POU3F3: variants seen among roughly 807,000 people sequenced by gnomAD.
POU3F3 encodes POU class 3 homeobox 3.
POU3F3 carries 1 observed loss-of-function variant against 8.6 expected under a neutral mutation model. The ratio of observed to expected loss-of-function variants is 0.12; its 90% CI spans 0.04 to 0.55. The LOEUF (loss-of-function observed/expected upper bound fraction) is 0.55. Ranked by LOEUF, POU3F3 falls within the 20% of genes least tolerant of loss-of-function variation. POU3F3 has a pLI of 0.91. For synonymous variants in POU3F3, 418 were observed against 327.4 expected, an observed-to-expected ratio of 1.28 and a Z score of -2.99; for missense variants, 577 against 690.7, an observed-to-expected ratio of 0.84 and a Z score of 1.84.
Position 104,855,378 on chromosome 2 carries a change from G to A in POU3F3, c.-133G>A. 1 of 324,106 alleles carries A rather than the reference G, an allele frequency of 3.1e-6. No homozygotes were observed. Among genetic ancestry groups the A allele is most frequent in the Non-Finnish European group, 4.3e-6 (1 of 233,492 alleles). 20.1% of individuals were successfully genotyped at this position (324,106 alleles called of 1,614,324 possible). A position where few individuals can be genotyped will look rare whatever the true frequency, so the allele number is the denominator to read the frequency against. On this transcript the variant is annotated 5_prime_UTR_variant, in exon 1 of 1. Transcript: ENST00000361360. ...GGCGGGGCCGGCGGGGGCCCGGGGC[G>A]GGGGCGGGGAAGGAGGGGGGGAGGA...
chr2:104,910,366 T>C, the POU3F3 span, among the ~76,000 whole-genome samples: 1 of 152,178 alleles, frequency 6.6e-6, no homozygotes, highest in Non-Finnish European at 1.5e-5. Context: ...GCTTCTTCTC[T>C]ACTCTACAAA....
chr2:104,873,600 G>C, the POU3F3 span, among the ~76,000 whole-genome samples: 1 of 152,286 alleles, frequency 6.6e-6, no homozygotes, highest in East Asian at 1.9e-4. Flanking sequence ...ACTTTCACAA[G>C]TGGTTAGAAA....
At position 104,858,536 on chromosome 2, in the gene POU3F3, G is replaced by T. The variant is rs1043826395; in HGVS notation, c.*1523G>T. The T allele has an allele frequency of 6.6e-6, 1 of 152,106 alleles. No homozygotes were observed. The highest frequency in any genetic ancestry group is 2.4e-5 in the African/African-American group (1 of 41,396). The allele number at this position is 152,106 out of a possible 1,614,324, so 9.4% of individuals were successfully genotyped here. A position where few individuals can be genotyped will look rare whatever the true frequency, so the allele number is the denominator to read the frequency against. On this transcript the variant is annotated 3_prime_UTR_variant, in exon 1 of 1. Coordinates refer to ENST00000361360, the MANE Select transcript of POU3F3 (RefSeq NM_006236.3). ...GTAATTTAATTTGAGTAGTGATTCC[G>T]TAAGAGCTGATCGAGAAAATAAATT... is the stretch of plus-strand genomic sequence containing the variant.
At chr2:104,909,313 C>A in the POU3F3 span, among the ~76,000 whole-genome samples, 4 of 152,190 alleles carry the variant, frequency 2.6e-5, no homozygotes. Flanking sequence ...ATGGTCCCAG[C>A]GGTCTGGAGG....
chr2:104,857,971 G>T lies in POU3F3; in HGVS notation c.*958G>T, dbSNP rs1372097780. ...TGGGAGCAGAGCGGGGGCCCAGCCA[G>T]CGAGGCCGCCGAGCCAGGCCCGGCC... is the stretch of plus-strand genomic sequence containing the variant. On this transcript the variant is annotated 3_prime_UTR_variant, in exon 1 of 1. Transcript: ENST00000361360. 6.6e-6 allele frequency: 1 copy of T among 152,198 alleles called. No individual in the cohort carries two copies. The highest frequency in any genetic ancestry group is 6.5e-5 in the Admixed American group (1 of 15,278). The allele number at this position is 152,198 out of a possible 1,614,324, so 9.4% of individuals were successfully genotyped here.
chr2:104,858,599 C>A (rs1488245173), downstream of POU3F3: 1 of 152,174 alleles, frequency 6.6e-6, no homozygotes, highest in African/African-American at 2.4e-5. Context: ...TGCGTAAACA[C>A]TGTGTGGGAA....
At chr2:104,917,604 G>T in the POU3F3 span, among the ~76,000 whole-genome samples, 1 of 152,202 alleles carries the variant, frequency 6.6e-6, no homozygotes. Context: ...TCTGTGTAAA[G>T]GCTCCAAAGT....
the POU3F3 span, among the ~76,000 whole-genome samples, chr2:104,906,826 C>T: frequency 8.5e-5 from 13 of 152,136 alleles, no homozygotes; most frequent in African/African-American, 3.1e-4. Flanking sequence ...TTCTCCACAT[C>T]AGTCTGATAG....
At chr2:104,914,975 C>A in the POU3F3 span, among the ~76,000 whole-genome samples, 3 of 152,176 alleles carry the variant, frequency 2.0e-5, no homozygotes, top group Non-Finnish European at 2.9e-5. Context: ...CCCTGAAGGC[C>A]TCACAGGTGC....
the POU3F3 span, among the ~76,000 whole-genome samples, chr2:104,893,864 C>T: frequency 3.5e-5 from 4 of 113,008 alleles, no homozygotes; most frequent in East Asian, 7.5e-4. Flanking sequence ...GCCTGGGCAA[C>T]AAGAGCAAAA....
At chr2:104,876,739 A>G in the POU3F3 span, among the ~76,000 whole-genome samples, 1 of 152,184 alleles carries the variant, frequency 6.6e-6, no homozygotes, top group Non-Finnish European at 1.5e-5. Flanking sequence ...ATCGAACCAC[A>G]CTGTTTCTTT....
downstream of POU3F3, among the ~76,000 whole-genome samples, chr2:104,860,745 G>A (rs1389549107): frequency 8.6e-6 from 1 of 116,286 alleles, no homozygotes; most frequent in Non-Finnish European, 1.7e-5. Context: ...TGCTATTGTT[G>A]CTCTGCCTTT....
chr2:104,896,507 TG>T, the POU3F3 span, among the ~76,000 whole-genome samples: 1 of 152,214 alleles, frequency 6.6e-6, no homozygotes, highest in Non-Finnish European at 1.5e-5. Context: ...ACACCTGCAT[TG>T]TTCACCCATA....
chr2:104,916,582 C>T, the POU3F3 span, among the ~76,000 whole-genome samples: 3 of 152,286 alleles, frequency 2.0e-5, no homozygotes, highest in East Asian at 1.9e-4. Flanking sequence ...TGGTGTTTGA[C>T]GTCCCCCAGC....
the POU3F3 span, among the ~76,000 whole-genome samples, chr2:104,917,137 G>A: frequency 1.3e-5 from 2 of 152,176 alleles, no homozygotes; most frequent in African/African-American, 4.8e-5. Context: ...CCCCTGGTTG[G>A]GATGAGACCC....
chr2:104,907,247 A>C, the POU3F3 span, among the ~76,000 whole-genome samples: 1 of 152,034 alleles, frequency 6.6e-6, no homozygotes, highest in African/African-American at 2.4e-5. Context: ...CTCAGCTCCT[A>C]TTCCATCTTC....
chr2:104,922,392 C>CAAAAA, the POU3F3 span, among the ~76,000 whole-genome samples: 444 of 69,096 alleles, frequency 6.4e-3, no homozygotes, highest in Middle Eastern at 0.012. Context: ...TGAAGATGCT[C>CAAAAA]AAAAAAAAAA....
In POU3F3 at chr2:104,855,596, C is replaced by CCGG. The variant is rs1676539308; in HGVS notation, c.86_87insCGG (p.Gly43dup). The CCGG allele has an allele frequency of 4.3e-6, 4 of 934,132 alleles. No homozygotes were observed. The highest frequency in any genetic ancestry group is 1.4e-4 in the East Asian group (1 of 6,906). The allele number at this position is 934,132 out of a possible 1,614,324, so 57.9% of individuals were successfully genotyped here. Reference sequence around the variant, plus strand: ...ATTGTGCACTCGGACGCGGCAGGGGCTGGCGGCGGCGGGGGTGGCGGCGGC... The same window carrying CCGG: ...ATTGTGCACTCGGACGCGGCAGGGGCCGGTGGCGGCGGCGGGGGTGGCGGCGGC... On this transcript the variant is annotated inframe_insertion, in exon 1 of 1. Transcript: ENST00000361360.
chr2:104,905,564 A>G, the POU3F3 span, among the ~76,000 whole-genome samples: 1 of 152,272 alleles, frequency 6.6e-6, no homozygotes, highest in Non-Finnish European at 1.5e-5. Context: ...TTAAAACAAC[A>G]GAAATGTATT....
Sources: allele counts gnomAD v4.1 joint callset (sites outside exome capture counted in the v4.1 genomes callset), GRCh38; gene constraint gnomAD v4.1.1; transcripts MANE v1.5; gene names NCBI Gene and HGNC (gene_info 2026-07-23, HGNC 2026-07-21).